BMAL2: variants seen among roughly 807,000 people sequenced by gnomAD.
BMAL2 encodes basic helix-loop-helix ARNT like 2.
chr12:27,345,297 GTCTT>G, the BMAL2 span, among the ~76,000 whole-genome samples: 1 of 152,104 alleles, frequency 6.6e-6, no homozygotes, highest in African/African-American at 2.4e-5. Context: ...CATTCTAGGT[GTCTT>G]TCTTTCCTTT....
the BMAL2 span, among the ~76,000 whole-genome samples, chr12:27,362,596 G>C: frequency 2.0e-5 from 3 of 152,002 alleles, no homozygotes; most frequent in African/African-American, 7.2e-5. Context: ...GAGAACCACT[G>C]TTCTGACTTT....
chr12:27,407,952 AATACT>A, the BMAL2 span, among the ~76,000 whole-genome samples: 1 of 152,250 alleles, frequency 6.6e-6, no homozygotes, highest in African/African-American at 2.4e-5. Context: ...ACCATCAGAG[AATACT>A]ATAAACACCT....
At chr12:27,411,219 C>A in the BMAL2 span, among the ~76,000 whole-genome samples, 1 of 152,026 alleles carries the variant, frequency 6.6e-6, no homozygotes, top group Non-Finnish European at 1.5e-5. Flanking sequence ...CCTGGACAAC[C>A]CATGCTCAAG....
the BMAL2 span, chr12:27,387,347 T>G: frequency 2.1e-6 from 3 of 1,454,564 alleles, no homozygotes; most frequent in Non-Finnish European, 2.9e-6. Context: ...ATATTTTCCA[T>G]ACAATGTTTA....
At chr12:27,418,243 C>G in the BMAL2 span, 1 of 1,275,028 alleles carries the variant, frequency 7.8e-7, no homozygotes, top group East Asian at 2.4e-5. Flanking sequence ...TATCAAAACC[C>G]CCCTCTTAAT....
chr12:27,404,653 A>G, the BMAL2 span, among the ~76,000 whole-genome samples: 14 of 152,220 alleles, frequency 9.2e-5, no homozygotes, highest in African/African-American at 3.4e-4. Flanking sequence ...GAACAGCTCC[A>G]GTCTACAGCT....
chr12:27,376,523 G>C, the BMAL2 span: 3 of 669,076 alleles, frequency 4.5e-6, no homozygotes, highest in African/African-American at 5.6e-5. Context: ...GCTCTGAGAA[G>C]CAATGTTATC....
At chr12:27,368,276 G>A in the BMAL2 span, 3 of 1,614,154 alleles carry the variant, frequency 1.9e-6, no homozygotes, top group Non-Finnish European at 2.5e-6. Flanking sequence ...AGTGTTGAGA[G>A]AGGAGAACCA....
At chr12:27,342,648 C>T in the BMAL2 span, among the ~76,000 whole-genome samples, 2 of 152,216 alleles carry the variant, frequency 1.3e-5, no homozygotes, top group African/African-American at 4.8e-5. Flanking sequence ...TGAACACGTA[C>T]CAGCTCCCTG....
chr12:27,413,019 A>T, the BMAL2 span, among the ~76,000 whole-genome samples: 2 of 152,088 alleles, frequency 1.3e-5, no homozygotes, highest in African/African-American at 2.4e-5. Flanking sequence ...AAAAAGCCAA[A>T]CAAGAATACT....
the BMAL2 span, chr12:27,389,348 C>A: frequency 7.9e-7 from 1 of 1,258,274 alleles, no homozygotes. Context: ...TAATGATCAC[C>A]TAAAAGTTTA....
At chr12:27,370,821 G>A in the BMAL2 span, among the ~76,000 whole-genome samples, 2 of 152,112 alleles carry the variant, frequency 1.3e-5, no homozygotes, top group East Asian at 3.9e-4. Flanking sequence ...GGCCAGGATG[G>A]TCTCAATCTC....
At chr12:27,402,179 A>G in the BMAL2 span, among the ~76,000 whole-genome samples, 1 of 152,208 alleles carries the variant, frequency 6.6e-6, no homozygotes, top group East Asian at 1.9e-4. Flanking sequence ...TCCTGATTTT[A>G]TAGGAGGCTA....
At chr12:27,350,861 G>T in the BMAL2 span, among the ~76,000 whole-genome samples, 2 of 151,722 alleles carry the variant, frequency 1.3e-5, no homozygotes, top group Non-Finnish European at 2.9e-5. Context: ...TGTATTTTTG[G>T]TAGAGACAGG....
the BMAL2 span, chr12:27,400,523 C>T: frequency 6.5e-7 from 1 of 1,540,048 alleles, no homozygotes; most frequent in Admixed American, 2.1e-5. Flanking sequence ...TTTTAAAAAT[C>T]TTTGAATTAG....
chr12:27,371,391 C>T, the BMAL2 span, among the ~76,000 whole-genome samples: 1 of 152,146 alleles, frequency 6.6e-6, no homozygotes, highest in South Asian at 2.1e-4. Flanking sequence ...AGAGAGTCTA[C>T]AGAGCAGGAA....
the BMAL2 span, chr12:27,370,256 A>T: frequency 1.3e-6 from 2 of 1,540,028 alleles, no homozygotes; most frequent in Non-Finnish European, 1.8e-6. Flanking sequence ...TCTTTGACAT[A>T]CTCTCTCCCC....
chr12:27,354,113 C>T, the BMAL2 span, among the ~76,000 whole-genome samples: 1 of 152,144 alleles, frequency 6.6e-6, no homozygotes, highest in Non-Finnish European at 1.5e-5. Flanking sequence ...AAGACATATG[C>T]ATTCATATGT....
the BMAL2 span, among the ~76,000 whole-genome samples, chr12:27,377,005 A>C: frequency 9.6e-4 from 52 of 54,192 alleles, no homozygotes; most frequent in Non-Finnish European, 2.6e-3. Flanking sequence ...CGTCTCAAAA[A>C]AAAAAAAAAA....
Sources: gnomAD v4.1 joint callset for allele counts (sites outside exome capture counted in the v4.1 genomes callset) on GRCh38, gnomAD v4.1.1 for gene constraint, MANE v1.5 for transcripts, NCBI Gene and HGNC (gene_info 2026-07-23, HGNC 2026-07-21) for gene names.